The following GINM1 variants were observed in gnomAD, a reference collection of about 807,000 sequenced individuals.
GINM1 encodes glycoprotein integral membrane protein 1.
A neutral mutation model predicts 37.8 loss-of-function variants in GINM1; 29 were observed. The observed-to-expected ratio is 0.77, with a 90% confidence interval of 0.57 to 1.05. The LOEUF (loss-of-function observed/expected upper bound fraction) is 1.05. Ranked by LOEUF, GINM1 falls within the 50% of genes least tolerant of loss-of-function variation. The probability of loss-of-function intolerance (pLI) is 0.00; values close to 1 mark genes in which losing one functional copy is unlikely to be tolerated. For synonymous variants in GINM1, 143 were observed against 146.2 expected (o/e 0.98, Z 0.16); for missense variants, 377 against 397.9 (o/e 0.95, Z 0.45).
chr6:149,572,458 C>T (rs1212493727), intron 2 of GINM1, 49 bp from the exon 3 acceptor site: 1 of 1,317,988 alleles, frequency 7.6e-7, no homozygotes, highest in Non-Finnish European at 1.1e-6. Context: ...GAAGAGTTTG[C>T]TATTGTTTAT....
chr6:149,582,360 A>G, intron 6 of GINM1, 80 bp from the exon 7 acceptor site: 1 of 1,224,632 alleles, frequency 8.2e-7, no homozygotes, highest in East Asian at 2.3e-5. Context: ...TATCATCCCA[A>G]AGCTAAAACA....
chr6:149,579,468 A>C (rs1415787378), intron 4 of GINM1, among the ~76,000 whole-genome samples: 1 of 152,240 alleles, frequency 6.6e-6, no homozygotes, highest in Non-Finnish European at 1.5e-5. Context: ...AGGTGGACGA[A>C]TCACCTGAGG....
At chr6:149,581,016 C>T (rs1279529661) in intron 6 of GINM1, among the ~76,000 whole-genome samples, 2 of 152,096 alleles carry the variant, frequency 1.3e-5, no homozygotes, top group Admixed American at 6.6e-5. Flanking sequence ...ATTCTGTACC[C>T]GCTACCTCGC....
intron 7 of GINM1, among the ~76,000 whole-genome samples, chr6:149,589,982 T>C (rs1304127762): frequency 6.6e-6 from 1 of 152,158 alleles, no homozygotes; most frequent in African/African-American, 2.4e-5. Context: ...TTTCTATTTT[T>C]AGTAGAGATG....
chr6:149,574,878 T>G (rs1562271084), intron 3 of GINM1, among the ~76,000 whole-genome samples: 1 of 152,268 alleles, frequency 6.6e-6, no homozygotes, highest in South Asian at 2.1e-4. Flanking sequence ...AAAAAATGAA[T>G]TTAAAAAATA....
chr6:149,586,333 G>T (rs1425531199), intron 7 of GINM1, among the ~76,000 whole-genome samples: 1 of 152,106 alleles, frequency 6.6e-6, no homozygotes, highest in Admixed American at 6.5e-5. Context: ...GGTCTCCAGG[G>T]AATGAATAAT....
chr6:149,579,672 A>G (rs1777968275), intron 4 of GINM1, among the ~76,000 whole-genome samples, 162 bp from the exon 5 acceptor site: 1 of 151,958 alleles, frequency 6.6e-6, no homozygotes, highest in African/African-American at 2.4e-5. Context: ...AGCCTGGGCA[A>G]CAACAAGAGC....
At position 149,572,541 on chromosome 6, in the gene GINM1, T is replaced by C. The variant is rs1777844138; in HGVS notation, c.215T>C (p.Val72Ala). The C allele has an allele frequency of 6.2e-7, 1 of 1,606,084 alleles. No homozygotes were observed. Among genetic ancestry groups the C allele is most frequent in the Non-Finnish European group, 8.5e-7 (1 of 1,173,814 alleles). Reference sequence around the variant, plus strand: ...AACATAACCTATGAGAGTGGACAGGTGTATGTAAATGACTTACCTGTAAAT... The same window carrying C: ...AACATAACCTATGAGAGTGGACAGGCGTATGTAAATGACTTACCTGTAAAT... ...VLNITYESGQ[V>A]YVNDLPVNSG... Residue 72 changes from valine to alanine, a missense_variant, in exon 3 of 8, where the codon GTG (valine) becomes GCG (alanine). Coordinates refer to ENST00000367419, the MANE Select transcript of GINM1 (RefSeq NM_138785.5).
intron 1 of GINM1, among the ~76,000 whole-genome samples, chr6:149,569,677 A>C (rs1777780188): frequency 6.6e-6 from 1 of 152,180 alleles, no homozygotes. Flanking sequence ...TCTAATACTA[A>C]AATAACTTGG....
At chr6:149,571,954 G>A (rs1179950075) in intron 1 of GINM1, among the ~76,000 whole-genome samples, 2 of 151,946 alleles carry the variant, frequency 1.3e-5, no homozygotes, top group East Asian at 1.9e-4. Flanking sequence ...GGTGGTGCAT[G>A]CCTGTAATCC....
rs534518938 is a variant in GINM1, at chr6:149,569,549, G to A, written c.121-2736G>A. On this transcript the variant is annotated intron_variant, in intron 1 of 7. Transcript: ENST00000367419. ...AGACGGGGTTTCACCATGTTGGCTA[G>A]CTGGTCTCAAACTCCTGACCTCAGG... Among the ~76,000 whole-genome samples the A allele has an allele frequency of 6.9e-4, 99 of 144,162 alleles. 1 individual carries two copies. Among genetic ancestry groups the A allele is most frequent in the Middle Eastern group, 4.4e-3 (1 of 228 alleles). 94.6% of individuals were successfully genotyped at this position (144,162 alleles called of 152,430 possible).
At chr6:149,567,505 G>C (rs1777740049) in intron 1 of GINM1, among the ~76,000 whole-genome samples, 1 of 152,160 alleles carries the variant, frequency 6.6e-6, no homozygotes, top group Non-Finnish European at 1.5e-5. Context: ...GCTGGGCGTG[G>C]TTGCAGGTGC....
chr6:149,586,841 C>A (rs1778078275), intron 7 of GINM1, among the ~76,000 whole-genome samples: 1 of 151,084 alleles, frequency 6.6e-6, no homozygotes, highest in Non-Finnish European at 1.5e-5. Flanking sequence ...GCCTCAATCT[C>A]CCAAGACTCA....
chr6:149,569,674 C>A (rs562395335), intron 1 of GINM1, among the ~76,000 whole-genome samples: 1 of 152,114 alleles, frequency 6.6e-6, no homozygotes, highest in Non-Finnish European at 1.5e-5. Flanking sequence ...TCTTCTAATA[C>A]TAAAATAACT....
At chr6:149,588,907 A>G (rs1336538196) in intron 7 of GINM1, among the ~76,000 whole-genome samples, 6 of 151,980 alleles carry the variant, frequency 3.9e-5, no homozygotes, top group Admixed American at 3.9e-4. Flanking sequence ...GGTTTCAAGC[A>G]ATTCTCATGC....
Position 149,578,807 on chromosome 6 carries a change from C to T in GINM1, c.278-15C>T. On this transcript the variant is annotated splice_polypyrimidine_tract_variant and intron_variant, in intron 3 of 7. Transcript: ENST00000367419. ...TAATCTTTGTTCAAAGGTGTCACTACTTTTTTTTTTATAGTGAAGAATGAA... is the reference window on the plus strand; with the variant it reads ...TAATCTTTGTTCAAAGGTGTCACTATTTTTTTTTTTATAGTGAAGAATGAA... The T allele has an allele frequency of 1.6e-6, 2 of 1,263,254 alleles. No individual in the cohort carries two copies. The highest frequency in any genetic ancestry group is 2.8e-5 in the East Asian group (1 of 35,352). 78.3% of individuals were successfully genotyped at this position (1,263,254 alleles called of 1,614,324 possible).
chr6:149,575,540 C>A (rs4870144), intron 3 of GINM1, among the ~76,000 whole-genome samples: 1 of 152,018 alleles, frequency 6.6e-6, no homozygotes, highest in South Asian at 2.1e-4. Flanking sequence ...AATGCCTTTG[C>A]GGGAAGAAAT....
chr6:149,590,908 CT>C lies in GINM1; in HGVS notation c.*73del. ...AAATTTGCCACTTGAATATAATTTT[CT>C]TTAAATCGTTAAGAATCAGTTTATA... On this transcript the variant is annotated 3_prime_UTR_variant, in exon 8 of 8. Coordinates refer to ENST00000367419, the MANE Select transcript of GINM1 (RefSeq NM_138785.5). The C allele has an allele frequency of 1.4e-6, 1 of 713,258 alleles. No homozygotes were observed. The allele number at this position is 713,258 out of a possible 1,614,324, so 44.2% of individuals were successfully genotyped here.
In GINM1 at chr6:149,580,720, T is replaced by TA; in HGVS notation, c.716dup (p.Val240GlyfsTer10). 1.2e-6 allele frequency: 2 copies of TA among 1,613,498 alleles called. No individual in the cohort carries two copies. The highest frequency in any genetic ancestry group is 1.7e-6 in the Non-Finnish European group (2 of 1,179,612). On this transcript the variant is annotated frameshift_variant, in exon 6 of 8. Coordinates refer to ENST00000367419, the MANE Select transcript of GINM1 (RefSeq NM_138785.5). LOFTEE classifies it high-confidence loss of function. The stretch of plus-strand genomic sequence containing the variant: ...TCAGAGCAGAGCCGCCATCTTCATA[T>TA]AAGGTAAATCAAGTATTTGGTGTTA...
Sources: gnomAD v4.1 joint callset for allele counts (sites outside exome capture counted in the v4.1 genomes callset) on GRCh38, gnomAD v4.1.1 for gene constraint, MANE v1.5 for transcripts, NCBI Gene and HGNC (gene_info 2026-07-23, HGNC 2026-07-21) for gene names.